Variants in ANKMY1 observed in about 807,000 individuals in gnomAD.
The protein encoded by ANKMY1 is ankyrin repeat and MYND domain-containing protein 1.
A neutral mutation model predicts 102.0 loss-of-function variants in ANKMY1; 98 were observed. The observed-to-expected ratio is 0.96, with a 90% CI of 0.82 to 1.14. ANKMY1 has a LOEUF of 1.14. Among genes scored for constraint, ANKMY1 ranks in the 50% most tolerant of loss-of-function variants. The pLI is 0.00. For synonymous variants in ANKMY1, 582 were observed against 559.9 expected (o/e 1.04, Z -0.56); for missense variants, 1,330 against 1,347.6 (o/e 0.99, Z 0.20).
chr2:240,484,910 C>T (rs2075864548), intron 15 of ANKMY1, among the ~76,000 whole-genome samples: 1 of 152,150 alleles, frequency 6.6e-6, no homozygotes. Context: ...AGACACTTCT[C>T]AAAAGACGAC....
intron 17 of ANKMY1, 143 bp from the exon 18 acceptor site, chr2:240,479,798 C>T: frequency 1.4e-6 from 1 of 708,656 alleles, no homozygotes; most frequent in South Asian, 1.7e-5. Flanking sequence ...AGTCGGGATG[C>T]AGCAAGGACT....
At chr2:240,533,599 C>T (rs1040646593) in intron 4 of ANKMY1, among the ~76,000 whole-genome samples, 27 of 151,942 alleles carry the variant, frequency 1.8e-4, no homozygotes, top group South Asian at 2.1e-4. Context: ...ATTCACAGCA[C>T]CCCTGAACTT....
At chr2:240,531,373 A>T (rs890321492) in intron 4 of ANKMY1, among the ~76,000 whole-genome samples, 1 of 152,246 alleles carries the variant, frequency 6.6e-6, no homozygotes, top group African/African-American at 2.4e-5. Context: ...TTTGACCAGC[A>T]ACCCCACTCT....
At chr2:240,525,652 A>G (rs1379239383) in intron 7 of ANKMY1, 33 bp downstream of exon 7, 1 of 1,607,156 alleles carries the variant, frequency 6.2e-7, no homozygotes, top group Non-Finnish European at 8.5e-7. Flanking sequence ...TACAGGAGAC[A>G]GTTGGTGGTG....
chr2:240,529,021 G>C lies in ANKMY1; in HGVS notation c.953+16C>G. The C allele has an allele frequency of 6.2e-7, 1 of 1,611,610 alleles. No homozygotes were observed. The highest frequency in any genetic ancestry group is 8.5e-7 in the Non-Finnish European group (1 of 1,177,874). On this transcript the variant is annotated intron_variant, in intron 5 of 17. Coordinates refer to ENST00000401804, the MANE Select transcript of ANKMY1 (RefSeq NM_001282771.3). This position sits in a 1 kb window ranked among gnomAD's most constrained non-coding sequence, Gnocchi z 4.2. ...AGTGCACGGCCCTAGGGGAGGAGCA[G>C]TAGCAGACTAGTCACCTGAACTTGT...
At chr2:240,497,447 T>G (rs1401285439) in intron 15 of ANKMY1, among the ~76,000 whole-genome samples, 1 of 152,148 alleles carries the variant, frequency 6.6e-6, no homozygotes, top group African/African-American at 2.4e-5. Flanking sequence ...GCTGGGAGGG[T>G]GAAAAGGAAG....
chr2:240,491,551 C>G (rs1290716834), intron 15 of ANKMY1, among the ~76,000 whole-genome samples: 1 of 152,042 alleles, frequency 6.6e-6, no homozygotes, highest in East Asian at 1.9e-4. Context: ...TAAATGTTGT[C>G]CTTTAGCTTC....
Position 240,499,131 on chromosome 2 carries a change from G to A in ANKMY1, c.2806+827C>T, listed in dbSNP as rs939715327. 6.6e-6 allele frequency among the ~76,000 whole-genome samples: 1 copy of A among 152,178 alleles called. No homozygotes were observed. Among genetic ancestry groups the A allele is most frequent in the Non-Finnish European group, 1.5e-5 (1 of 68,024 alleles). ...TGTTGCTCAGTGGGGGACTGTGTGA[G>A]GCTGCAGGAGGCTACTGCATGCTGA... is the stretch of plus-strand genomic sequence containing the variant. On this transcript the variant is annotated intron_variant, in intron 15 of 17. Coordinates refer to ENST00000401804, the MANE Select transcript of ANKMY1 (RefSeq NM_001282771.3). This position sits in a 1 kb window ranked among gnomAD's most constrained non-coding sequence, Gnocchi z 4.2.
chr2:240,512,048 G>T, intron 10 of ANKMY1, 47 bp from the exon 11 acceptor site: 1 of 1,487,536 alleles, frequency 6.7e-7, no homozygotes. Flanking sequence ...CCTGCCGTGT[G>T]CCCACGGGAA....
upstream of ANKMY1, chr2:240,560,695 C>T (rs1282640983): frequency 6.5e-7 from 1 of 1,528,000 alleles, no homozygotes. Context: ...ATGGGACCGG[C>T]AGAAGCTGGG....
Position 240,479,587 on chromosome 2 carries a change from C to T in ANKMY1, c.*22G>A, listed in dbSNP as rs781665953. The T allele has an allele frequency of 2.5e-6, 4 of 1,613,824 alleles. No individual in the cohort carries two copies. The South Asian group carries it at 4.4e-5, about 18-fold the overall frequency. On this transcript the variant is annotated 3_prime_UTR_variant, in exon 18 of 18. Transcript: ENST00000401804. Reference sequence around the variant, plus strand: ...CACACAGTCCTGGGTCCTCCCCAAGCCTCGGACGTGCAGCTGCTGCTTCAC... The same window carrying T: ...CACACAGTCCTGGGTCCTCCCCAAGTCTCGGACGTGCAGCTGCTGCTTCAC...
At chr2:240,547,435 A>C (rs1237854114) in intron 4 of ANKMY1, among the ~76,000 whole-genome samples, 4 of 150,306 alleles carry the variant, frequency 2.7e-5, no homozygotes, top group Admixed American at 1.3e-4. Flanking sequence ...TGACACCCTA[A>C]CATCACAATT....
chr2:240,560,789 C>T, upstream of ANKMY1: 1 of 1,454,394 alleles, frequency 6.9e-7, no homozygotes, highest in Non-Finnish European at 9.0e-7. Flanking sequence ...GAGCCGCGGG[C>T]GCGGAGGAGC....
intron 3 of ANKMY1, chr2:240,553,269 C>T (rs956154978): frequency 3.4e-6 from 2 of 591,170 alleles, no homozygotes; most frequent in South Asian, 4.0e-5. Context: ...CAGGCTCCCT[C>T]TCTGTCTTCT....
Position 240,499,398 on chromosome 2 carries a change from TG to T in ANKMY1, c.2806+559del, listed in dbSNP as rs1461009372. On this transcript the variant is annotated intron_variant, in intron 15 of 17. Coordinates refer to ENST00000401804, the MANE Select transcript of ANKMY1 (RefSeq NM_001282771.3). This position sits in a 1 kb window ranked among gnomAD's most constrained non-coding sequence, Gnocchi z 4.2. Reference sequence around the variant, plus strand: ...GATGTGGGGGTAGGGAGTGACTATGTGGGGGTGGGGGTGACCAGGTGGGTGG... The same window carrying T: ...GATGTGGGGGTAGGGAGTGACTATGTGGGGTGGGGGTGACCAGGTGGGTGG... 2.0e-4 allele frequency among the ~76,000 whole-genome samples: 1 copy of T among 4,970 alleles called. No homozygotes were observed. The highest frequency in any genetic ancestry group is 4.0e-4 in the Non-Finnish European group (1 of 2,474). 3.3% of individuals were successfully genotyped at this position (4,970 alleles called of 152,430 possible).
chr2:240,514,245 A>G (rs1189515404), intron 9 of ANKMY1, among the ~76,000 whole-genome samples: 2 of 152,230 alleles, frequency 1.3e-5, no homozygotes, highest in Non-Finnish European at 2.9e-5. Flanking sequence ...ATCAGGGTAC[A>G]TGAGAGAGAG....
chr2:240,507,562 G>T lies in ANKMY1; in HGVS notation c.2524C>A (p.Leu842Met). 6.2e-7 allele frequency: 1 copy of T among 1,606,292 alleles called. No individual in the cohort carries two copies. The highest frequency in any genetic ancestry group is 8.5e-7 in the Non-Finnish European group (1 of 1,176,362). ...HQRNMDSKLA[L>M]IDRLISHGAD... ...CACCCCAGCCTCCTGCCCCTCACCA[G>T]GGCCAGCTTGCTGTCCATGTTCCTC... Residue 842 changes from leucine (L) to methionine (M), a missense_variant and splice_region_variant, in exon 13 of 18, where the codon CTG (leucine) becomes ATG (methionine). By Grantham distance (15) the Leu-to-Met change is conservative (BLOSUM62 2). Transcript: ENST00000401804.
Position 240,516,241 on chromosome 2 carries a change from C to T in ANKMY1, c.2005-3299G>A, listed in dbSNP as rs891612092. On this transcript the variant is annotated intron_variant, in intron 9 of 17. Coordinates refer to ENST00000401804, the MANE Select transcript of ANKMY1 (RefSeq NM_001282771.3). ...GAACCTGTTTTATAATATCAAGTGTCTTTAACCTTTGATATATGACAAACT... is the reference window on the plus strand; with the variant it reads ...GAACCTGTTTTATAATATCAAGTGTTTTTAACCTTTGATATATGACAAACT... Among the ~76,000 whole-genome samples the T allele has an allele frequency of 2.0e-5, 3 of 150,776 alleles. No individual in the cohort carries two copies. In the Admixed American group the frequency reaches 2.0e-4, roughly 10 times the overall value.
rs114515735 is a variant in ANKMY1 at position 240,519,064 on chromosome 2, C to T, written c.2004+1298G>A. Among the ~76,000 whole-genome samples the T allele has an allele frequency of 7.6e-3, 1,154 of 152,294 alleles. 11 individuals carry two copies. Among genetic ancestry groups the T allele is most frequent in the African/African-American group, 0.026 (1,098 of 41,564 alleles). On this transcript the variant is annotated intron_variant, in intron 9 of 17. Transcript: ENST00000401804. ...AACGATGGACGAGTGTTTACACAACCGGAGAAGAAAAACAAAATCTACAAA... is the reference window on the plus strand; with the variant it reads ...AACGATGGACGAGTGTTTACACAACTGGAGAAGAAAAACAAAATCTACAAA...
Sources: allele counts gnomAD v4.1 joint callset (sites outside exome capture counted in the v4.1 genomes callset), GRCh38; gene constraint gnomAD v4.1.1; non-coding constraint Gnocchi (gnomAD v3.1); transcripts MANE v1.5; gene names NCBI Gene and HGNC (gene_info 2026-07-23, HGNC 2026-07-21).